The following RNF138 variants were observed in gnomAD, a reference collection of about 807,000 sequenced individuals.
The protein encoded by RNF138 is ring finger protein 138.
In RNF138, 12 loss-of-function variants were observed where a neutral mutation model predicts 31.0. The ratio of observed to expected loss-of-function variants is 0.39; its 90% CI spans 0.25 to 0.63. The LOEUF is 0.63. Among genes scored for constraint, RNF138 ranks in the 20% least tolerant of loss-of-function variants. The probability of loss-of-function intolerance (pLI) is 0.52; values close to 1 mark genes in which losing one functional copy is unlikely to be tolerated. For missense variants in RNF138, 192 were observed against 300.1 expected (o/e 0.64, Z 2.66); for synonymous variants, 105 against 99.5 (o/e 1.06, Z -0.33).
At chr18:32,121,593 A>G (rs562340131) in intron 4 of RNF138, among the ~76,000 whole-genome samples, 74 of 152,350 alleles carry the variant, frequency 4.9e-4, no homozygotes, top group African/African-American at 1.7e-3. Flanking sequence ...CTATAAACCT[A>G]TTAGAAGTTG....
At position 32,129,976 on chromosome 18, in the gene RNF138, CTT is replaced by C. The variant is rs1173371332; in HGVS notation, c.*790_*791del. 2.6e-5 allele frequency: 4 copies of C among 152,046 alleles called. No individual in the cohort carries two copies. The highest frequency in any genetic ancestry group is 9.7e-5 in the African/African-American group (4 of 41,394). The allele number at this position is 152,046 out of a possible 1,614,324, so 9.4% of individuals were successfully genotyped here. On this transcript the variant is annotated 3_prime_UTR_variant, in exon 8 of 8. Transcript: ENST00000261593. ...ATTTCTGATTAACTAAGTTGAAACTCTTATTAGAAACTTTCAGTTGGTGATAT... is the reference window on the plus strand; with the variant it reads ...ATTTCTGATTAACTAAGTTGAAACTCATTAGAAACTTTCAGTTGGTGATAT...
chr18:32,096,286 T>C (rs953028667), intron 2 of RNF138, among the ~76,000 whole-genome samples: 7 of 152,302 alleles, frequency 4.6e-5, no homozygotes, highest in Admixed American at 1.3e-4. Flanking sequence ...GTGAGACTAG[T>C]GAAGAGGTCG....
chr18:32,097,594 C>A lies in RNF138; in HGVS notation c.110+4708C>A, dbSNP rs2144563305. Among the ~76,000 whole-genome samples the A allele has an allele frequency of 1.3e-5, 2 of 152,086 alleles. 1 individual carries two copies. The highest frequency in any genetic ancestry group is 3.9e-4 in the East Asian group (2 of 5,148). ...CACCTCCTGGATTTAAGCGATTCTC[C>A]TGCCTCGTCCTCCTGAGTAGCTGGG... is the stretch of plus-strand genomic sequence containing the variant. On this transcript the variant is annotated intron_variant, in intron 2 of 7. Coordinates refer to ENST00000261593, the MANE Select transcript of RNF138 (RefSeq NM_016271.5).
intron 2 of RNF138, among the ~76,000 whole-genome samples, chr18:32,105,935 T>A (rs2040021269): frequency 6.6e-6 from 1 of 152,230 alleles, no homozygotes. Context: ...CATAGCTGAA[T>A]ATAACAAACC....
intron 6 of RNF138, 91 bp from the exon 7 acceptor site, chr18:32,126,602 T>G (rs1252971290): frequency 2.7e-6 from 2 of 738,746 alleles, no homozygotes; most frequent in Non-Finnish European, 4.4e-6. Context: ...ATATTTTTGG[T>G]AACATATCCC....
Position 32,131,397 on chromosome 18 carries a change from T to C in RNF138, c.*2210T>C, listed in dbSNP as rs1013356664. 3 of 152,174 alleles carry C rather than the reference T, an allele frequency of 2.0e-5. No individual in the cohort carries two copies. The highest frequency in any genetic ancestry group is 4.8e-5 in the African/African-American group (2 of 41,460). 9.4% of individuals were successfully genotyped at this position (152,174 alleles called of 1,614,324 possible). A position where few individuals can be genotyped will look rare whatever the true frequency, so the allele number is the denominator to read the frequency against. ...AAAAGTTTATTTTTAATATTACTTATAGCTGAGTCAGAATTAAAGGAGGGA... is the reference window on the plus strand; with the variant it reads ...AAAAGTTTATTTTTAATATTACTTACAGCTGAGTCAGAATTAAAGGAGGGA... On this transcript the variant is annotated 3_prime_UTR_variant, in exon 8 of 8. Transcript: ENST00000261593.
Position 32,130,722 on chromosome 18 carries a change from AG to A in RNF138, c.*1536del, listed in dbSNP as rs750291050. 6.6e-6 allele frequency: 1 copy of A among 152,460 alleles called. No homozygotes were observed. Among genetic ancestry groups the A allele is most frequent in the Non-Finnish European group, 1.5e-5 (1 of 67,882 alleles). The allele number at this position is 152,460 out of a possible 1,614,324, so 9.4% of individuals were successfully genotyped here. A position where few individuals can be genotyped will look rare whatever the true frequency, so the allele number is the denominator to read the frequency against. On this transcript the variant is annotated 3_prime_UTR_variant, in exon 8 of 8. Coordinates refer to ENST00000261593, the MANE Select transcript of RNF138 (RefSeq NM_016271.5). ...ATAAAAATGTTAATTTTGGAAGTGCAGTTTTGTAAAAACCTTTTTCAGTCAA... is the reference window on the plus strand; with the variant it reads ...ATAAAAATGTTAATTTTGGAAGTGCATTTTGTAAAAACCTTTTTCAGTCAA...
chr18:32,093,046 G>A (rs1445504740), intron 2 of RNF138, among the ~76,000 whole-genome samples, 160 bp downstream of exon 2: 1 of 151,664 alleles, frequency 6.6e-6, no homozygotes, highest in Non-Finnish European at 1.5e-5. Flanking sequence ...TCAGAGTCCC[G>A]GGGCGGCCTT....
chr18:32,111,148 C>T (rs1411384656), intron 2 of RNF138, among the ~76,000 whole-genome samples: 1 of 152,224 alleles, frequency 6.6e-6, no homozygotes, highest in Non-Finnish European at 1.5e-5. Flanking sequence ...AATTTCCCTA[C>T]TTCCGGACCA....
At position 32,123,525 on chromosome 18, in the gene RNF138, A is replaced by T; in HGVS notation, c.400A>T (p.Ser134Cys). 1 of 1,586,624 alleles carries T rather than the reference A, an allele frequency of 6.3e-7. No individual in the cohort carries two copies. Among genetic ancestry groups the T allele is most frequent in the Non-Finnish European group, 8.6e-7 (1 of 1,168,374 alleles). Residue 134 changes from serine (S) to cysteine (C), a missense_variant, in exon 5 of 8, where the codon AGT (serine) becomes TGT (cysteine). Physicochemically the swap from Ser to Cys is moderately radical, Grantham distance 112 (BLOSUM62 -1). Transcript: ENST00000261593. The stretch of plus-strand genomic sequence containing the variant: ...TCCCCTGTGCTTCTTAAGCAATAGG[A>T]GTGAAACATCCACATCTGATAACAC... ...SQDSVGNSNR[S>C]ETSTSDNTET...
At chr18:32,098,808 G>C (rs2039862770) in intron 2 of RNF138, among the ~76,000 whole-genome samples, 1 of 149,968 alleles carries the variant, frequency 6.7e-6, no homozygotes, top group African/African-American at 2.5e-5. Context: ...AGCTGAGATG[G>C]TGCCACTGCA....
intron 1 of RNF138, 79 bp from the exon 2 acceptor site, chr18:32,092,621 C>G (rs1312291969): frequency 1.6e-6 from 1 of 629,730 alleles, no homozygotes; most frequent in South Asian, 1.8e-5. Context: ...TTCGGCCCCG[C>G]CCTACCCAGG....
intron 4 of RNF138, among the ~76,000 whole-genome samples, chr18:32,116,863 G>A (rs999085954): frequency 5.9e-5 from 9 of 151,958 alleles, no homozygotes; most frequent in African/African-American, 2.2e-4. Flanking sequence ...GGGATCACAG[G>A]TGTGAGCCAC....
intron 7 of RNF138, 70 bp downstream of exon 7, chr18:32,126,870 G>A (rs1202757226): frequency 1.0e-5 from 10 of 965,522 alleles, no homozygotes; most frequent in African/African-American, 8.2e-5. Flanking sequence ...TTTTGTAATC[G>A]ACTTAAATTT....
chr18:32,119,088 G>A (rs1184837131), intron 4 of RNF138, among the ~76,000 whole-genome samples: 2 of 152,086 alleles, frequency 1.3e-5, no homozygotes, highest in African/African-American at 2.4e-5. Flanking sequence ...TGTGAGGTAG[G>A]AAAAATTTTC....
chr18:32,099,752 A>C (rs1237107777), intron 2 of RNF138, among the ~76,000 whole-genome samples: 2 of 152,214 alleles, frequency 1.3e-5, no homozygotes, highest in Non-Finnish European at 2.9e-5. Context: ...CATTTTTGGA[A>C]TCAGATAATT....
In RNF138 at chr18:32,122,805, C is replaced by T. The variant is rs184740236; in HGVS notation, c.393-713C>T. 5.6e-3 allele frequency among the ~76,000 whole-genome samples: 857 copies of T among 152,286 alleles called. 9 individuals carry two copies. The highest frequency in any genetic ancestry group is 0.014 in the Middle Eastern group (4 of 294). On this transcript the variant is annotated intron_variant, in intron 4 of 7. Transcript: ENST00000261593. ...CACCACTGCACTCCAGCCTGGGCGACAGATTGAGACTCCAGCTCAAAAACT... is the reference window on the plus strand; with the variant it reads ...CACCACTGCACTCCAGCCTGGGCGATAGATTGAGACTCCAGCTCAAAAACT...
At chr18:32,120,548 T>A (rs1230515944) in intron 4 of RNF138, among the ~76,000 whole-genome samples, 5 of 152,132 alleles carry the variant, frequency 3.3e-5, no homozygotes, top group Admixed American at 2.6e-4. Flanking sequence ...CATAAGTTTT[T>A]AAAAAAATAA....
At chr18:32,102,444 G>T (rs1405074594) in intron 2 of RNF138, among the ~76,000 whole-genome samples, 1 of 150,164 alleles carries the variant, frequency 6.7e-6, no homozygotes, top group Non-Finnish European at 1.5e-5. Context: ...CTCGTGATCC[G>T]CCTGCCTCAG....
Sources: allele counts gnomAD v4.1 joint callset (sites outside exome capture counted in the v4.1 genomes callset), GRCh38; gene constraint gnomAD v4.1.1; transcripts MANE v1.5; gene names NCBI Gene and HGNC (gene_info 2026-07-23, HGNC 2026-07-21).